STAMBP: variants seen among roughly 807,000 people sequenced by gnomAD.
STAMBP encodes the protein STAM-binding protein.
A neutral mutation model predicts 50.7 loss-of-function variants in STAMBP; 31 were observed. The observed-to-expected ratio is 0.61, with a 90% CI of 0.46 to 0.83. The LOEUF is 0.83. Among genes scored for constraint, STAMBP ranks in the 40% least tolerant of loss-of-function variants. STAMBP has a pLI of 0.00. For missense variants in STAMBP, 472 were observed against 518.9 expected, an observed-to-expected ratio of 0.91 and a Z score of 0.88; for synonymous variants, 211 against 192.4, an observed-to-expected ratio of 1.10 and a Z score of -0.80.
chr2:73,844,280 CTAAG>C (rs1228304387), intron 2 of STAMBP, among the ~76,000 whole-genome samples: 1 of 152,184 alleles, frequency 6.6e-6, no homozygotes, highest in Non-Finnish European at 1.5e-5. Flanking sequence ...AACACATGCA[CTAAG>C]TATTTCCATG....
In STAMBP at chr2:73,864,604, C is replaced by T. The variant is rs1678697849; in HGVS notation, c.*2345C>T. 6.6e-6 allele frequency: 1 copy of T among 152,272 alleles called. No individual in the cohort carries two copies. Among genetic ancestry groups the T allele is most frequent in the Non-Finnish European group, 1.5e-5 (1 of 68,138 alleles). The allele number at this position is 152,272 out of a possible 1,614,324, so 9.4% of individuals were successfully genotyped here. A position where few individuals can be genotyped will look rare whatever the true frequency, so the allele number is the denominator to read the frequency against. On this transcript the variant is annotated 3_prime_UTR_variant, in exon 10 of 10. Coordinates refer to ENST00000394070, the MANE Select transcript of STAMBP (RefSeq NM_213622.4). ...TACTGTGGGTAAAAGGGACAAAGAC[C>T]ACGCAACCTGAGGAAAGACATTGTA...
At chr2:73,858,078 G>A (rs1677792585) in intron 7 of STAMBP, among the ~76,000 whole-genome samples, 1 of 151,556 alleles carries the variant, frequency 6.6e-6, no homozygotes, top group Non-Finnish European at 1.5e-5. Context: ...CACCTCCCGG[G>A]TTCATGCTCT....
At chr2:73,853,001 C>G (rs1005757331) in intron 7 of STAMBP, among the ~76,000 whole-genome samples, 1 of 151,198 alleles carries the variant, frequency 6.6e-6, no homozygotes, top group Non-Finnish European at 1.5e-5. Flanking sequence ...AGGCTGGTCT[C>G]GAAATCCTGA....
At chr2:73,872,201 GC>G (rs1421026633) in intron 10 of STAMBP, among the ~76,000 whole-genome samples, 1 of 152,154 alleles carries the variant, frequency 6.6e-6, no homozygotes, top group Non-Finnish European at 1.5e-5. Flanking sequence ...TATTAGCCAG[GC>G]CTGGATCATG....
intron 7 of STAMBP, among the ~76,000 whole-genome samples, chr2:73,854,331 A>G (rs1378056639): frequency 6.6e-6 from 1 of 152,200 alleles, no homozygotes; most frequent in East Asian, 1.9e-4. Flanking sequence ...ACTGGAGGAG[A>G]TGGGGGAAAG....
chr2:73,858,014 G>T, intron 7 of STAMBP, among the ~76,000 whole-genome samples: 1 of 150,888 alleles, frequency 6.6e-6, no homozygotes, highest in East Asian at 1.9e-4. Flanking sequence ...ATGGAGTCTC[G>T]CTCTGTCACC....
chr2:73,867,725 ATTAT>A (rs1238509494), downstream of STAMBP, among the ~76,000 whole-genome samples: 4 of 152,226 alleles, frequency 2.6e-5, no homozygotes, highest in Non-Finnish European at 5.9e-5. Context: ...AAATGCTTTC[ATTAT>A]TTAAGAAGAA....
intron 8 of STAMBP, 42 bp from the exon 9 acceptor site, chr2:73,860,010 A>C (rs1216618009): frequency 6.8e-7 from 1 of 1,460,796 alleles, no homozygotes. Context: ...GGATGGAGGG[A>C]CACCTTTGCT....
chr2:73,840,642 G>A (rs1040111899), intron 2 of STAMBP, among the ~76,000 whole-genome samples: 1 of 151,594 alleles, frequency 6.6e-6, no homozygotes, highest in Non-Finnish European at 1.5e-5. Flanking sequence ...TACTCGGGAG[G>A]CTGAGGCAGG....
intron 2 of STAMBP, among the ~76,000 whole-genome samples, chr2:73,840,116 T>C (rs879799410): frequency 6.6e-6 from 1 of 152,196 alleles, no homozygotes; most frequent in Non-Finnish European, 1.5e-5. Flanking sequence ...CCCATTGTAA[T>C]GTATACTCTA....
Position 73,866,663 on chromosome 2 carries a change from T to C in STAMBP, c.*4404T>C, listed in dbSNP as rs965224387. On this transcript the variant is annotated 3_prime_UTR_variant, in exon 10 of 10. Transcript: ENST00000394070. ...GCTGGGCCTGTGCTGCACTTGAGCT[T>C]TCTTTCCAGCCGCCAGGAGGGATGG... 6.6e-6 allele frequency: 1 copy of C among 152,264 alleles called. No individual in the cohort carries two copies. Among genetic ancestry groups the C allele is most frequent in the Non-Finnish European group, 1.5e-5 (1 of 68,066 alleles). 9.4% of individuals were successfully genotyped at this position (152,264 alleles called of 1,614,324 possible).
chr2:73,840,085 C>T (rs1675185819), intron 2 of STAMBP, among the ~76,000 whole-genome samples: 1 of 152,188 alleles, frequency 6.6e-6, no homozygotes, highest in Admixed American at 6.5e-5. Context: ...TCCTAGCATA[C>T]TTCTGTTTAT....
At position 73,850,857 on chromosome 2, in the gene STAMBP, T is replaced by A. The variant is rs1427168032; in HGVS notation, c.1005+344T>A. Among the ~76,000 whole-genome samples the A allele has an allele frequency of 6.6e-6, 1 of 152,230 alleles. No homozygotes were observed. Among genetic ancestry groups the A allele is most frequent in the African/African-American group, 2.4e-5 (1 of 41,454 alleles). On this transcript the variant is annotated intron_variant, in intron 7 of 9. Transcript: ENST00000394070. The surrounding 1 kb of genome is among the most constrained non-coding windows in gnomAD (Gnocchi z 4.3). ...CTATGCCTACTGTGTACAGATGATG[T>A]TCCTTAAAGGTATATAATTCAAAAT...
chr2:73,854,547 T>C (rs1429596573), intron 7 of STAMBP, among the ~76,000 whole-genome samples: 1 of 152,226 alleles, frequency 6.6e-6, no homozygotes, highest in African/African-American at 2.4e-5. Context: ...ACAATCATAC[T>C]GCACTACAGC....
At chr2:73,856,445 C>A (rs1677560415) in intron 7 of STAMBP, among the ~76,000 whole-genome samples, 1 of 152,178 alleles carries the variant, frequency 6.6e-6, no homozygotes, top group South Asian at 2.1e-4. Flanking sequence ...TATGAAGAGA[C>A]CTTGTAAGGA....
At chr2:73,870,172 G>A (rs1038886262), downstream of STAMBP, 1 of 152,142 alleles carries the variant, frequency 6.6e-6, no homozygotes, top group Non-Finnish European at 1.5e-5. Flanking sequence ...CCTTCAATGT[G>A]GGAATCCAGC....
At chr2:73,843,256 G>C (rs1380638833) in intron 2 of STAMBP, among the ~76,000 whole-genome samples, 1 of 144,904 alleles carries the variant, frequency 6.9e-6, no homozygotes, top group Non-Finnish European at 1.5e-5. Context: ...GGAGTGCAGT[G>C]GTGTGATCAA....
At chr2:73,837,992 C>T (rs13411185) in intron 2 of STAMBP, among the ~76,000 whole-genome samples, 43,213 of 151,930 alleles carry the variant, frequency 0.28, 6,435 homozygotes, top group African/African-American at 0.36. Flanking sequence ...AGAGTAGCCA[C>T]CTATGTCAGA....
At chr2:73,836,970 G>A (rs188379472) in intron 2 of STAMBP, among the ~76,000 whole-genome samples, 4 of 152,302 alleles carry the variant, frequency 2.6e-5, no homozygotes, top group African/African-American at 9.6e-5. Flanking sequence ...TCTAGTGAAG[G>A]GGCTCTTAAT....
Sources: allele counts gnomAD v4.1 joint callset (sites outside exome capture counted in the v4.1 genomes callset), GRCh38; gene constraint gnomAD v4.1.1; non-coding constraint Gnocchi (gnomAD v3.1); transcripts MANE v1.5; gene names NCBI Gene and HGNC (gene_info 2026-07-23, HGNC 2026-07-21).